The following TSPAN11 variants were observed in gnomAD, a reference collection of about 807,000 sequenced individuals.
TSPAN11 encodes tetraspanin 11.
Under a neutral mutation model 32.9 loss-of-function variants are expected in TSPAN11, and 29 were observed. That is an observed-to-expected ratio of 0.88 (90% CI 0.66 to 1.20). The LOEUF (loss-of-function observed/expected upper bound fraction) is 1.20, where lower values mean the gene tolerates loss of function less well. Ranked by LOEUF, TSPAN11 falls within the 50% of genes most tolerant of loss-of-function variation. The probability of loss-of-function intolerance (pLI) is 0.00; values close to 1 mark genes in which losing one functional copy is unlikely to be tolerated. For synonymous variants in TSPAN11, 140 were observed against 141.3 expected, an observed-to-expected ratio of 0.99 and a Z score of 0.07; for missense variants, 283 against 329.1, an observed-to-expected ratio of 0.86 and a Z score of 1.08.
At chr12:30,985,102 G>A (rs902322562) in intron 7 of TSPAN11, among the ~76,000 whole-genome samples, 1 of 152,104 alleles carries the variant, frequency 6.6e-6, no homozygotes, top group Admixed American at 6.6e-5. Flanking sequence ...CTGTGGGCCT[G>A]GAAGGTCTAG....
chr12:30,951,652 A>T (rs1357833569), intron 1 of TSPAN11, among the ~76,000 whole-genome samples: 2 of 152,232 alleles, frequency 1.3e-5, no homozygotes, highest in Non-Finnish European at 2.9e-5. Context: ...CCTGGCACAT[A>T]GTAAGTGTTC....
intron 7 of TSPAN11, among the ~76,000 whole-genome samples, chr12:30,989,015 G>A (rs1939259257): frequency 6.6e-6 from 1 of 152,220 alleles, no homozygotes; most frequent in African/African-American, 2.4e-5. Context: ...TCACATCAGC[G>A]TCCTGGGAGC....
intron 1 of TSPAN11, among the ~76,000 whole-genome samples, chr12:30,953,201 CTT>C (rs970389227): frequency 2.6e-5 from 4 of 152,190 alleles, no homozygotes; most frequent in African/African-American, 9.7e-5. Context: ...ACATTGAACA[CTT>C]ATTACATGCC....
At chr12:30,952,383 A>G in intron 1 of TSPAN11, among the ~76,000 whole-genome samples, 1 of 152,224 alleles carries the variant, frequency 6.6e-6, no homozygotes, top group East Asian at 1.9e-4. Context: ...CATTTCTTAC[A>G]GGCTTCCTTT....
Position 30,975,716 on chromosome 12 carries a change from C to T in TSPAN11, c.277-2845C>T, listed in dbSNP as rs547484153. ...TCCCCCGAGAAGTGGCGTGACACTG[C>T]CAGCTATCCAGGAGTATCCTACGGG... On this transcript the variant is annotated intron_variant, in intron 3 of 7. Coordinates refer to ENST00000546076, the MANE Select transcript of TSPAN11 (RefSeq NM_001370302.1). This position sits in a 1 kb window ranked among gnomAD's most constrained non-coding sequence, Gnocchi z 4.5. 9.2e-5 allele frequency among the ~76,000 whole-genome samples: 14 copies of T among 151,734 alleles called. No homozygotes were observed. Among genetic ancestry groups the T allele is most frequent in the African/African-American group, 3.1e-4 (13 of 41,350 alleles).
At chr12:30,999,448 C>T (rs1356034823), downstream of TSPAN11, 1 of 152,190 alleles carries the variant, frequency 6.6e-6, no homozygotes, top group Admixed American at 6.5e-5. Context: ...ATAGCTTAGC[C>T]TGGCCTACCT....
At chr12:30,942,919 C>T (rs1938196432) in intron 1 of TSPAN11, among the ~76,000 whole-genome samples, 1 of 152,184 alleles carries the variant, frequency 6.6e-6, no homozygotes, top group Admixed American at 6.5e-5. Context: ...TACCTGCACA[C>T]AATGAACATG....
intron 2 of TSPAN11, among the ~76,000 whole-genome samples, chr12:30,958,943 G>A (rs1480845182): frequency 1.3e-5 from 2 of 152,174 alleles, no homozygotes; most frequent in Non-Finnish European, 2.9e-5. Flanking sequence ...CTTTCCAGGA[G>A]CCTCTTCTTA....
Position 30,991,858 on chromosome 12 carries a change from C to T in TSPAN11, c.705C>T (p.Ile235=), listed in dbSNP as rs1939317964. 1 of 1,614,088 alleles carries T rather than the reference C, an allele frequency of 6.2e-7. No homozygotes were observed. The highest frequency in any genetic ancestry group is 8.5e-7 in the Non-Finnish European group (1 of 1,180,036). The change falls in exon 8 of 8, where the codon ATC becomes ATT. Residue 235 remains isoleucine, a splice_region_variant and synonymous_variant. Transcript: ENST00000546076. ...CCTCTGCTCTCTCCACCTGGCAGAT[C>T]TGCGGGATGGTTCTCACCTGCTGCT... ...AVGIGVACLQ[I]CGMVLTCCLH...
At chr12:30,944,675 A>G (rs969273032) in intron 1 of TSPAN11, among the ~76,000 whole-genome samples, 3 of 152,264 alleles carry the variant, frequency 2.0e-5, no homozygotes, top group African/African-American at 4.8e-5. Flanking sequence ...TATATACACA[A>G]TGGAAGACTG....
intron 2 of TSPAN11, chr12:30,954,411 T>C (rs905874338): frequency 2.7e-5 from 7 of 262,952 alleles, no homozygotes; most frequent in Admixed American, 5.2e-5. Context: ...TTTTGGAAAA[T>C]GTGACTGCCT....
intron 1 of TSPAN11, 174 bp downstream of exon 1, chr12:30,926,970 A>G: frequency 7.8e-7 from 1 of 1,280,780 alleles, no homozygotes; most frequent in Non-Finnish European, 1.0e-6. Context: ...TGGAGGAGGC[A>G]GGAATGCCTG....
intron 3 of TSPAN11, among the ~76,000 whole-genome samples, chr12:30,976,071 T>C (rs77252366): frequency 6.0e-4 from 92 of 152,170 alleles, no homozygotes; most frequent in African/African-American, 1.9e-3. Context: ...GAAACAAGGA[T>C]GCCTCACCCT....
intron 1 of TSPAN11, among the ~76,000 whole-genome samples, chr12:30,948,406 C>G (rs551095483): frequency 6.6e-6 from 1 of 152,340 alleles, no homozygotes; most frequent in East Asian, 1.9e-4. Context: ...CTGCAGCAAA[C>G]TTTTGCCTGG....
chr12:30,985,617 C>T (rs1325570883), intron 7 of TSPAN11, among the ~76,000 whole-genome samples: 1 of 152,154 alleles, frequency 6.6e-6, no homozygotes, highest in Non-Finnish European at 1.5e-5. Context: ...ACCTGTTACT[C>T]CAGGTGTTGA....
chr12:30,939,139 G>A (rs1043140929), intron 1 of TSPAN11, among the ~76,000 whole-genome samples: 2 of 151,906 alleles, frequency 1.3e-5, no homozygotes, highest in African/African-American at 4.8e-5. Flanking sequence ...TACTCATGAG[G>A]CTGAGGCAGA....
At chr12:31,009,392 G>A in the TSPAN11 span, among the ~76,000 whole-genome samples, 413 of 152,324 alleles carry the variant, frequency 2.7e-3, 2 homozygotes, top group African/African-American at 9.2e-3. Context: ...CTTTTGCCGG[G>A]TGCCTGTTCT....
At chr12:30,966,793 G>A (rs1168900813) in intron 3 of TSPAN11, among the ~76,000 whole-genome samples, 2 of 152,212 alleles carry the variant, frequency 1.3e-5, no homozygotes, top group South Asian at 2.1e-4. Flanking sequence ...CACCTAGCCC[G>A]GAACCCTAGG....
the TSPAN11 span, among the ~76,000 whole-genome samples, chr12:31,013,587 T>TGAAAAAA: frequency 1.2e-4 from 5 of 40,702 alleles, no homozygotes. Flanking sequence ...AGATCCTGTC[T>TGAAAAAA]CAAAAAACAA....
Sources: gnomAD v4.1 joint callset for allele counts (sites outside exome capture counted in the v4.1 genomes callset) on GRCh38, gnomAD v4.1.1 for gene constraint, Gnocchi (gnomAD v3.1) non-coding constraint, MANE v1.5 for transcripts, NCBI Gene and HGNC (gene_info 2026-07-23, HGNC 2026-07-21) for gene names.